The following MARCHF1 variants were observed in gnomAD, a reference collection of about 807,000 sequenced individuals.
MARCHF1 encodes the protein membrane associated ring-CH-type finger 1.
A neutral mutation model predicts 54.2 loss-of-function variants in MARCHF1; 40 were observed. The observed-to-expected ratio is 0.74, with a 90% CI of 0.57 to 0.96. MARCHF1 has a LOEUF of 0.96. Among genes scored for constraint, MARCHF1 ranks in the 40% least tolerant of loss-of-function variants. The probability of loss-of-function intolerance (pLI) is 0.00; values close to 1 mark genes in which losing one functional copy is unlikely to be tolerated. For synonymous variants in MARCHF1, 236 were observed against 236.3 expected (o/e 1.00, Z 0.01); for missense variants, 586 against 656.5 (o/e 0.89, Z 1.17).
In MARCHF1 at chr4:164,223,907, C is replaced by T. The variant is rs561335865; in HGVS notation, c.-322-112245G>A. On this transcript the variant is annotated intron_variant, in intron 1 of 9. Coordinates refer to ENST00000514618, the MANE Select transcript of MARCHF1 (RefSeq NM_001394959.1). ...AAAAACCTATTTAAATTAATTTGTG[C>T]AATTGTTACATTTTTAAATTTATTT... Among the ~76,000 whole-genome samples, 4 of 149,924 alleles carry T rather than the reference C, an allele frequency of 2.7e-5. No homozygotes were observed. The East Asian group carries it at 5.9e-4, about 22-fold the overall frequency.
intron 3 of MARCHF1, among the ~76,000 whole-genome samples, chr4:163,867,326 C>T (rs561163342): frequency 4.0e-5 from 6 of 151,886 alleles, no homozygotes; most frequent in Non-Finnish European, 8.8e-5. Context: ...ATCAGTTATT[C>T]TTGCCATCTA....
intron 2 of MARCHF1, among the ~76,000 whole-genome samples, chr4:164,089,674 AGATCCTCAAGATCCTTG>A (rs70948696): frequency 1.8e-4 from 27 of 151,580 alleles, no homozygotes; most frequent in East Asian, 3.9e-4. Flanking sequence ...ACAGTGAATG[AGATCCTCAAGATCCTTG>A]GATCCTCAAG....
At chr4:163,969,428 G>A (rs1752505730) in intron 3 of MARCHF1, among the ~76,000 whole-genome samples, 1 of 152,196 alleles carries the variant, frequency 6.6e-6, no homozygotes, top group Non-Finnish European at 1.5e-5. Context: ...CAGGGAAGAT[G>A]TCATTCTTTT....
At chr4:163,912,107 CT>C (rs1751203945) in intron 3 of MARCHF1, among the ~76,000 whole-genome samples, 2 of 150,538 alleles carry the variant, frequency 1.3e-5, no homozygotes, top group Non-Finnish European at 2.9e-5. Flanking sequence ...GACATCACAT[CT>C]GCAATCCAGC....
At chr4:163,909,159 C>T (rs1358739270) in intron 3 of MARCHF1, among the ~76,000 whole-genome samples, 1 of 151,982 alleles carries the variant, frequency 6.6e-6, no homozygotes, top group African/African-American at 2.4e-5. Context: ...TTAAACAGCC[C>T]ATCCTGGATT....
intron 4 of MARCHF1, among the ~76,000 whole-genome samples, chr4:163,852,045 C>T (rs537591755): frequency 6.6e-6 from 1 of 152,224 alleles, no homozygotes; most frequent in Non-Finnish European, 1.5e-5. Context: ...GATTTAATTA[C>T]TGGATTTAAT....
intron 1 of MARCHF1, among the ~76,000 whole-genome samples, chr4:164,260,322 T>C (rs1262022333): frequency 2.6e-5 from 4 of 152,114 alleles, no homozygotes; most frequent in Non-Finnish European, 5.9e-5. Flanking sequence ...GTAAATTGCT[T>C]TGTTTTGAAG....
At chr4:163,712,576 G>A (rs1040407495) in intron 4 of MARCHF1, among the ~76,000 whole-genome samples, 9 of 152,114 alleles carry the variant, frequency 5.9e-5, no homozygotes, top group Admixed American at 2.0e-4. Flanking sequence ...CTCTTCTTGC[G>A]TCTTACTCCA....
intron 4 of MARCHF1, among the ~76,000 whole-genome samples, chr4:163,749,643 A>G (rs1170066472): frequency 6.6e-6 from 1 of 152,074 alleles, no homozygotes. Flanking sequence ...AATAGCTATC[A>G]AATTTTATTA....
intron 4 of MARCHF1, among the ~76,000 whole-genome samples, chr4:163,765,993 C>G (rs1303813822): frequency 6.7e-6 from 1 of 149,594 alleles, no homozygotes; most frequent in Non-Finnish European, 1.5e-5. Flanking sequence ...TCCTGAATGA[C>G]AGGTTTAAGA....
intron 1 of MARCHF1, chr4:164,329,839 C>T (rs1735379709): frequency 6.6e-6 from 1 of 152,308 alleles, no homozygotes; most frequent in Non-Finnish European, 1.5e-5. Context: ...AAGCCATTCA[C>T]CAGGGATCCA....
chr4:163,553,573 G>C (rs527625598), intron 8 of MARCHF1, among the ~76,000 whole-genome samples: 100 of 152,316 alleles, frequency 6.6e-4, no homozygotes, highest in African/African-American at 1.0e-3. Context: ...ACAGCTAAAA[G>C]ATGGCACAAT....
At chr4:164,151,759 T>C (rs1729948111) in intron 1 of MARCHF1, among the ~76,000 whole-genome samples, 1 of 152,114 alleles carries the variant, frequency 6.6e-6, no homozygotes, top group Non-Finnish European at 1.5e-5. Context: ...AAATTAAAAG[T>C]ATTTCTTTCT....
intron 3 of MARCHF1, among the ~76,000 whole-genome samples, chr4:163,876,870 A>C (rs1398369948): frequency 5.3e-5 from 8 of 152,180 alleles, no homozygotes; most frequent in Non-Finnish European, 1.0e-4. Flanking sequence ...CCAAATAACC[A>C]TAAGAAGAAA....
chr4:164,293,588 T>A (rs1184101394), intron 1 of MARCHF1, among the ~76,000 whole-genome samples: 1 of 152,232 alleles, frequency 6.6e-6, no homozygotes, highest in African/African-American at 2.4e-5. Context: ...CAATGATATT[T>A]TAGTGTTCAT....
intron 2 of MARCHF1, among the ~76,000 whole-genome samples, chr4:164,012,762 A>G (rs1753451437): frequency 6.6e-6 from 1 of 152,132 alleles, no homozygotes; most frequent in African/African-American, 2.4e-5. Context: ...ATTCTCCCTT[A>G]TCTTACCCAA....
intron 2 of MARCHF1, among the ~76,000 whole-genome samples, chr4:164,073,039 TAGTC>T (rs1754902747): frequency 1.3e-5 from 2 of 152,188 alleles, no homozygotes; most frequent in Non-Finnish European, 2.9e-5. Flanking sequence ...AGAATTCGCA[TAGTC>T]AGAAGGAGAG....
At chr4:164,315,908 T>A (rs1310943361) in intron 1 of MARCHF1, among the ~76,000 whole-genome samples, 1 of 152,198 alleles carries the variant, frequency 6.6e-6, no homozygotes, top group Non-Finnish European at 1.5e-5. Flanking sequence ...TAACTTGAGA[T>A]ACAGAGTAGA....
intron 1 of MARCHF1, among the ~76,000 whole-genome samples, chr4:164,178,208 G>A (rs1730740752): frequency 6.6e-6 from 1 of 152,164 alleles, no homozygotes; most frequent in Admixed American, 6.5e-5. Context: ...ACCTAGTGGT[G>A]TCAACTACTG....
Sources: allele counts gnomAD v4.1 joint callset (sites outside exome capture counted in the v4.1 genomes callset), GRCh38; gene constraint gnomAD v4.1.1; transcripts MANE v1.5; gene names NCBI Gene and HGNC (gene_info 2026-07-23, HGNC 2026-07-21).